BIN2: variants seen among roughly 807,000 people sequenced by gnomAD.
BIN2 encodes the protein breast cancer associated protein BRAP1.
Under a neutral mutation model 67.9 loss-of-function variants are expected in BIN2, and 43 were observed. That is an observed-to-expected ratio of 0.63 (90% confidence interval 0.50 to 0.82). BIN2 has a LOEUF of 0.82. BIN2 is among the 40% of genes least tolerant of loss of function. The pLI is 0.00. For synonymous variants in BIN2, 244 were observed against 246.8 expected (o/e 0.99, Z 0.11); for missense variants, 581 against 671.6 (o/e 0.87, Z 1.49).
rs150413872 is a variant in BIN2, at chr12:51,322,390, A to C, written c.81+1632T>G. Among the ~76,000 whole-genome samples, 771 of 152,136 alleles carry C rather than the reference A, an allele frequency of 5.1e-3. 6 individuals are homozygous for C. The highest frequency in any genetic ancestry group is 0.017 in the African/African-American group (718 of 41,508). ...AAATACAATCAATTGTATGTCTTTT[A>C]TTTTTATGTATTTATTTTTATTTTT... On this transcript the variant is annotated intron_variant, in intron 1 of 12. Transcript: ENST00000615107.
intron 1 of BIN2, among the ~76,000 whole-genome samples, chr12:51,316,487 T>C (rs1231092182): frequency 1.3e-5 from 2 of 151,832 alleles, no homozygotes; most frequent in Non-Finnish European, 2.9e-5. Context: ...CAGAGGGAAA[T>C]TGTCTCAAAA....
intron 2 of BIN2, among the ~76,000 whole-genome samples, chr12:51,308,276 A>G (rs1196043150): frequency 2.6e-5 from 4 of 152,192 alleles, no homozygotes; most frequent in Non-Finnish European, 5.9e-5. Context: ...TTCTTCATCT[A>G]TAAATGCAGG....
At chr12:51,302,330 G>T (rs1318827475) in intron 4 of BIN2, 2 of 551,722 alleles carry the variant, frequency 3.6e-6, no homozygotes, top group Non-Finnish European at 6.5e-6. Context: ...CAGAGATTAA[G>T]AACAGGGCAC....
chr12:51,299,090 G>GAC lies in BIN2; in HGVS notation c.602+112_602+113insGT. On this transcript the variant is annotated intron_variant, in intron 7 of 12. Transcript: ENST00000615107. ...ACCCTGTCTCGAAAAAAAAAAAAAG[G>GAC]GGGCGGGGCAGTGTGGGAATTTAAA... 12 of 619,618 alleles carry GAC rather than the reference G, an allele frequency of 1.9e-5. No homozygotes were observed. The South Asian group carries it at 2.2e-4, about 11-fold the overall frequency. The allele number at this position is 619,618 out of a possible 1,614,324, so 38.4% of individuals were successfully genotyped here.
At chr12:51,296,134 T>A (rs1376988282) in intron 8 of BIN2, among the ~76,000 whole-genome samples, 1 of 152,108 alleles carries the variant, frequency 6.6e-6, no homozygotes, top group Admixed American at 6.6e-5. Context: ...CCATAACTGA[T>A]GTCTGATTTG....
Position 51,299,295 on chromosome 12 carries a change from G to A in BIN2, c.517-7C>T, listed in dbSNP as rs370160940. 3.7e-6 allele frequency: 6 copies of A among 1,610,622 alleles called. No individual in the cohort carries two copies. In the African/African-American group the frequency reaches 8.0e-5, roughly 22 times the overall value. On this transcript the variant is annotated splice_region_variant and splice_polypyrimidine_tract_variant and intron_variant, in intron 6 of 12. Transcript: ENST00000615107. The stretch of plus-strand genomic sequence containing the variant: ...TGTTGAACTCTTCCTCTGCCTAGGT[G>A]GTAAAAGAGACAAGACAATCTCCCT...
Position 51,302,676 on chromosome 12 carries a change from C to A in BIN2, c.312+10G>T, listed in dbSNP as rs771480837. On this transcript the variant is annotated intron_variant, in intron 4 of 12. Coordinates refer to ENST00000615107, the MANE Select transcript of BIN2 (RefSeq NM_016293.4). ...GTGCCAATAAGTTGTAAAACTCAAG[C>A]CACTCTTACCCATACGATGGCCTTC... The A allele has an allele frequency of 1.9e-6, 3 of 1,606,888 alleles. No individual in the cohort carries two copies. The highest frequency in any genetic ancestry group is 2.6e-6 in the Non-Finnish European group (3 of 1,173,802).
At chr12:51,312,121 A>G (rs1357491432) in intron 2 of BIN2, among the ~76,000 whole-genome samples, 1 of 152,128 alleles carries the variant, frequency 6.6e-6, no homozygotes, top group Non-Finnish European at 1.5e-5. Context: ...ATCAAAATGG[A>G]GTCACTAGTG....
chr12:51,317,935 C>T (rs1946175585), intron 1 of BIN2, among the ~76,000 whole-genome samples: 1 of 151,962 alleles, frequency 6.6e-6, no homozygotes, highest in Non-Finnish European at 1.5e-5. Flanking sequence ...TTGCAGTGAC[C>T]CGAGATAGCG....
At chr12:51,321,646 G>A (rs1459495277) in intron 1 of BIN2, among the ~76,000 whole-genome samples, 2 of 152,142 alleles carry the variant, frequency 1.3e-5, no homozygotes, top group Non-Finnish European at 2.9e-5. Flanking sequence ...AGATCCACCT[G>A]CCTGGGCCTC....
At chr12:51,295,579 T>A (rs6580822) in intron 9 of BIN2, among the ~76,000 whole-genome samples, 1,227 of 19,636 alleles carry the variant, frequency 0.062, 225 homozygotes, top group South Asian at 0.15. Context: ...AAAAAAAAAA[T>A]ATATATATAT....
At position 51,310,821 on chromosome 12, in the gene BIN2, CACAA is replaced by C. The variant is rs1209154239; in HGVS notation, c.162+2998_162+3001del. ...TGTCACCCAGACTGGAGTGCAGTGGCACAAACAAAGCTCACTGTAGCCTCGACCT... is the reference window on the plus strand; with the variant it reads ...TGTCACCCAGACTGGAGTGCAGTGGCACAAAGCTCACTGTAGCCTCGACCT... On this transcript the variant is annotated intron_variant, in intron 2 of 12. Transcript: ENST00000615107. 1.6e-4 allele frequency among the ~76,000 whole-genome samples: 25 copies of C among 152,190 alleles called. No homozygotes were observed. In the East Asian group the frequency reaches 4.6e-3, roughly 28 times the overall value.
At chr12:51,298,914 C>G (rs554617352) in intron 7 of BIN2, among the ~76,000 whole-genome samples, 1 of 149,952 alleles carries the variant, frequency 6.7e-6, no homozygotes, top group Admixed American at 6.6e-5. Flanking sequence ...ACTAAAAATA[C>G]AAAAAAAAAT....
chr12:51,317,903 G>A (rs566322440), intron 1 of BIN2, among the ~76,000 whole-genome samples: 4 of 152,202 alleles, frequency 2.6e-5, no homozygotes, highest in African/African-American at 7.2e-5. Context: ...CAGGAGAATG[G>A]CATGAACCCG....
chr12:51,324,144 T>C lies in BIN2; in HGVS notation c.-42A>G. ...GGGCCGCCGCCCTGGCCCCGCGCCC[T>C]GTGGTTTTCTGAGGCCCCCGAGGAG... is the stretch of plus-strand genomic sequence containing the variant. On this transcript the variant is annotated 5_prime_UTR_variant, in exon 1 of 13. Coordinates refer to ENST00000615107, the MANE Select transcript of BIN2 (RefSeq NM_016293.4). 2 of 1,607,124 alleles carry C rather than the reference T, an allele frequency of 1.2e-6. No individual in the cohort carries two copies. Among genetic ancestry groups the C allele is most frequent in the Non-Finnish European group, 1.7e-6 (2 of 1,176,962 alleles).
At chr12:51,289,655 A>G (rs1238026322) in intron 10 of BIN2, among the ~76,000 whole-genome samples, 3 of 152,102 alleles carry the variant, frequency 2.0e-5, no homozygotes, top group African/African-American at 7.2e-5. Context: ...CTTGATTTAC[A>G]GATCCTTCAC....
intron 9 of BIN2, among the ~76,000 whole-genome samples, chr12:51,294,400 C>T (rs1945476283): frequency 6.6e-6 from 1 of 152,108 alleles, no homozygotes; most frequent in South Asian, 2.1e-4. Context: ...AACCGCGTCT[C>T]TACTAAAAAT....
chr12:51,321,545 A>T (rs1946283868), intron 1 of BIN2, among the ~76,000 whole-genome samples: 1 of 152,048 alleles, frequency 6.6e-6, no homozygotes, highest in African/African-American at 2.4e-5. Flanking sequence ...GATTACAGGC[A>T]TGCGCCACCA....
chr12:51,315,171 A>T (rs796571387), intron 1 of BIN2, among the ~76,000 whole-genome samples: 23 of 146,816 alleles, frequency 1.6e-4, no homozygotes, highest in Admixed American at 4.1e-4. Context: ...TATTATTATT[A>T]TTATTTTTTT....
Sources: gnomAD v4.1 joint callset for allele counts (sites outside exome capture counted in the v4.1 genomes callset) on GRCh38, gnomAD v4.1.1 for gene constraint, MANE v1.5 for transcripts, NCBI Gene and HGNC (gene_info 2026-07-23, HGNC 2026-07-21) for gene names.